TTC7B: variants seen among roughly 807,000 people sequenced by gnomAD.
TTC7B encodes tetratricopeptide repeat protein 7B.
Under a neutral mutation model 106.8 loss-of-function variants are expected in TTC7B, and 28 were observed. That is an observed-to-expected ratio of 0.26 (90% CI 0.19 to 0.36). The LOEUF (loss-of-function observed/expected upper bound fraction) is 0.36. Among genes scored for constraint, TTC7B ranks in the 10% least tolerant of loss-of-function variants. The pLI, the probability that TTC7B is intolerant of heterozygous loss-of-function variation, is 1.00. For synonymous variants in TTC7B, 405 were observed against 430.6 expected (o/e 0.94, Z 0.74); for missense variants, 862 against 1,076.4 (o/e 0.80, Z 2.79).
At position 90,815,023 on chromosome 14, in the gene TTC7B, C is replaced by G. The variant is rs111637598; in HGVS notation, c.121+1152G>C. On this transcript the variant is annotated intron_variant, in intron 1 of 19. Coordinates refer to ENST00000328459, the MANE Select transcript of TTC7B (RefSeq NM_001010854.2). ...ACATAAACCACCCTCCAGGAGGACA[C>G]CTGACATCCCTCTCCTTTCTGGGTA... Among the ~76,000 whole-genome samples, 308 of 152,336 alleles carry G rather than the reference C, an allele frequency of 2.0e-3. 1 individual carries two copies. The highest frequency in any genetic ancestry group is 6.5e-3 in the African/African-American group (269 of 41,568).
At chr14:90,609,102 G>C (rs74081234) in intron 17 of TTC7B, among the ~76,000 whole-genome samples, 4,385 of 152,292 alleles carry the variant, frequency 0.029, 165 homozygotes, top group African/African-American at 0.088. Context: ...GGCCTAAACA[G>C]GTCCCTCGGC....
chr14:90,693,559 C>A (rs1278597034), intron 6 of TTC7B, among the ~76,000 whole-genome samples: 1 of 152,180 alleles, frequency 6.6e-6, no homozygotes, highest in African/African-American at 2.4e-5. Flanking sequence ...CCTGCCTTAA[C>A]AGGTGCAATT....
At chr14:90,573,048 G>A (rs1187850645) in intron 19 of TTC7B, among the ~76,000 whole-genome samples, 1 of 152,140 alleles carries the variant, frequency 6.6e-6, no homozygotes, top group East Asian at 1.9e-4. Flanking sequence ...GGGGGTTGGG[G>A]GGCAGTGCGT....
At chr14:90,595,055 C>T (rs994837674) in intron 17 of TTC7B, among the ~76,000 whole-genome samples, 5 of 152,164 alleles carry the variant, frequency 3.3e-5, no homozygotes, top group African/African-American at 7.2e-5. Flanking sequence ...GTCTAGTGGC[C>T]GGGCGCGGTG....
At chr14:90,588,345 G>A (rs996745979) in intron 18 of TTC7B, among the ~76,000 whole-genome samples, 1 of 152,254 alleles carries the variant, frequency 6.6e-6, no homozygotes, top group Non-Finnish European at 1.5e-5. Context: ...TTTCAACCAT[G>A]AGAGGTGCCA....
chr14:90,704,008 A>C (rs1407723536), intron 5 of TTC7B, among the ~76,000 whole-genome samples: 2 of 152,226 alleles, frequency 1.3e-5, no homozygotes, highest in Non-Finnish European at 2.9e-5. Context: ...GAACATGGCA[A>C]GGGGAACAAG....
rs1400765379 is a variant in TTC7B, at chr14:90,527,382, C to A, written c.*13986G>T. The stretch of plus-strand genomic sequence containing the variant: ...GACTCTGAGGATCTTCTACGCCAGG[C>A]ACTTCACATTGATGTTTCACTTAAC... On this transcript the variant is annotated 3_prime_UTR_variant, in exon 20 of 20. Transcript: ENST00000328459. The A allele has an allele frequency of 1.3e-5, 2 of 152,214 alleles. No individual in the cohort carries two copies. The highest frequency in any genetic ancestry group is 2.1e-4 in the South Asian group (1 of 4,828). 9.4% of individuals were successfully genotyped at this position (152,214 alleles called of 1,614,324 possible). A position where few individuals can be genotyped will look rare whatever the true frequency, so the allele number is the denominator to read the frequency against.
At chr14:90,545,729 T>A (rs1240327621) in intron 19 of TTC7B, among the ~76,000 whole-genome samples, 2 of 152,192 alleles carry the variant, frequency 1.3e-5, no homozygotes, top group Non-Finnish European at 2.9e-5. Flanking sequence ...TCTGGCCAAC[T>A]GTGGGGGCTG....
intron 6 of TTC7B, among the ~76,000 whole-genome samples, chr14:90,693,848 C>T (rs979624356): frequency 2.0e-5 from 3 of 152,208 alleles, no homozygotes; most frequent in East Asian, 3.8e-4. Context: ...AGCAATTCCA[C>T]TTCTAAGTAT....
intron 13 of TTC7B, chr14:90,648,694 T>G (rs1885581400): frequency 6.6e-6 from 1 of 152,246 alleles, no homozygotes; most frequent in Admixed American, 6.5e-5. Flanking sequence ...ATATAGCAGC[T>G]TTTATAATTT....
rs1227465459 is a variant in TTC7B at position 90,600,374 on chromosome 14, C to G, written c.1967-6748G>C. On this transcript the variant is annotated intron_variant, in intron 17 of 19. Transcript: ENST00000328459. This position sits in a 1 kb window ranked among gnomAD's most constrained non-coding sequence, Gnocchi z 4.3. ...GGGAGCTGCCCTCGCGCCTTGTGTC[C>G]CCCAGTGTGACAGCAGGGGCGGGGC... Among the ~76,000 whole-genome samples, 2 of 152,122 alleles carry G rather than the reference C, an allele frequency of 1.3e-5. No individual in the cohort carries two copies. Among genetic ancestry groups the G allele is most frequent in the Non-Finnish European group, 2.9e-5 (2 of 68,018 alleles).
rs186455965 is a variant in TTC7B, at chr14:90,625,657, G to A, written c.1752-7612C>T. On this transcript the variant is annotated intron_variant, in intron 15 of 19. Transcript: ENST00000328459. Reference sequence around the variant, plus strand: ...GAGCTGGGAGGCCTCAAATCACCCCGAGGCCCCTCTGGCAACAGCTGGAAG... The same window carrying A: ...GAGCTGGGAGGCCTCAAATCACCCCAAGGCCCCTCTGGCAACAGCTGGAAG... Among the ~76,000 whole-genome samples the A allele has an allele frequency of 1.4e-3, 220 of 152,226 alleles. 1 individual carries two copies. The highest frequency in any genetic ancestry group is 0.012 in the South Asian group (57 of 4,822).
intron 19 of TTC7B, among the ~76,000 whole-genome samples, chr14:90,559,353 G>A (rs141235294): frequency 3.4e-3 from 514 of 152,350 alleles, no homozygotes; most frequent in African/African-American, 0.012. Context: ...TGCAGTGCTC[G>A]CAGGAGTCTT....
chr14:90,765,199 A>C (rs1286566500), intron 3 of TTC7B, among the ~76,000 whole-genome samples: 2 of 152,266 alleles, frequency 1.3e-5, no homozygotes, highest in Non-Finnish European at 2.9e-5. Flanking sequence ...AAAAGAAGCC[A>C]GATACAAAAA....
intron 15 of TTC7B, among the ~76,000 whole-genome samples, chr14:90,631,952 C>T (rs1884723137): frequency 6.6e-6 from 1 of 152,148 alleles, no homozygotes; most frequent in Non-Finnish European, 1.5e-5. Flanking sequence ...TTCCTTTGCC[C>T]ATTTCCTAAA....
intron 3 of TTC7B, among the ~76,000 whole-genome samples, chr14:90,755,333 C>A (rs1262774814): frequency 6.6e-6 from 1 of 152,144 alleles, no homozygotes; most frequent in Non-Finnish European, 1.5e-5. Flanking sequence ...AACTGCTGAA[C>A]TGCTGGGTCA....
chr14:90,549,691 C>T (rs1392218876), intron 19 of TTC7B, among the ~76,000 whole-genome samples: 1 of 152,168 alleles, frequency 6.6e-6, no homozygotes, highest in African/African-American at 2.4e-5. Context: ...CTCACCCCAG[C>T]AGACTGGGCT....
At chr14:90,602,091 A>C (rs1205794388) in intron 17 of TTC7B, 1 of 455,904 alleles carries the variant, frequency 2.2e-6, no homozygotes, top group East Asian at 7.0e-5. Flanking sequence ...ATCAACTCTT[A>C]AGGGTGAGGG....
At chr14:90,690,009 G>T (rs1887408376) in intron 6 of TTC7B, among the ~76,000 whole-genome samples, 1 of 152,146 alleles carries the variant, frequency 6.6e-6, no homozygotes, top group Non-Finnish European at 1.5e-5. Flanking sequence ...GAAACTTTTG[G>T]CTAAGCCCTT....
Sources: gnomAD v4.1 joint callset for allele counts (sites outside exome capture counted in the v4.1 genomes callset) on GRCh38, gnomAD v4.1.1 for gene constraint, Gnocchi (gnomAD v3.1) non-coding constraint, MANE v1.5 for transcripts, NCBI Gene and HGNC (gene_info 2026-07-23, HGNC 2026-07-21) for gene names.